The following SYT1 variants were observed in gnomAD, a reference collection of about 807,000 sequenced individuals.
SYT1 encodes synaptotagmin-1.
A neutral mutation model predicts 44.8 loss-of-function variants in SYT1; 8 were observed. The ratio of observed to expected loss-of-function variants is 0.18; its 90% CI spans 0.10 to 0.32. The LOEUF (loss-of-function observed/expected upper bound fraction) is 0.32, where lower values mean the gene tolerates loss of function less well. Ranked by LOEUF, SYT1 falls within the 10% of genes least tolerant of loss-of-function variation. The probability of loss-of-function intolerance (pLI) is 1.00; values close to 1 mark genes in which losing one functional copy is unlikely to be tolerated. For synonymous variants in SYT1, 154 were observed against 188.8 expected (o/e 0.82, Z 1.51); for missense variants, 286 against 509.3 (o/e 0.56, Z 4.22).
chr12:78,883,516 G>A (rs922889973), intron 1 of SYT1, among the ~76,000 whole-genome samples: 9 of 151,518 alleles, frequency 5.9e-5, no homozygotes, highest in Admixed American at 4.6e-4. Flanking sequence ...CTCAGTCTTT[G>A]TTTCCCTAGA....
chr12:78,873,270 G>T lies in SYT1; in HGVS notation c.-217+8161G>T, dbSNP rs539708135. ...AATAAAGCAGGAAAAAGCATGTTTT[G>T]TAATTCTCTTACTATGTAAGAACTA... On this transcript the variant is annotated intron_variant, in intron 1 of 10. Transcript: ENST00000261205. 2.7e-4 allele frequency among the ~76,000 whole-genome samples: 41 copies of T among 151,700 alleles called. No homozygotes were observed. In the South Asian group the frequency reaches 3.1e-3, roughly 12 times the overall value.
intron 3 of SYT1, chr12:79,102,992 T>C (rs1002789364): frequency 1.3e-5 from 2 of 152,130 alleles, no homozygotes; most frequent in African/African-American, 4.8e-5. Context: ...ATAAGGTAAA[T>C]ATTATTATTG....
chr12:79,287,409 T>C (rs1017821500), intron 5 of SYT1, among the ~76,000 whole-genome samples: 1 of 152,182 alleles, frequency 6.6e-6, no homozygotes, highest in African/African-American at 2.4e-5. Flanking sequence ...TCTTACTTTA[T>C]TTCCACACTT....
chr12:79,068,708 G>T (rs1876048970), intron 3 of SYT1, among the ~76,000 whole-genome samples: 1 of 152,006 alleles, frequency 6.6e-6, no homozygotes. Flanking sequence ...ACAGAAAAGA[G>T]AAAAGAAACA....
intron 4 of SYT1, among the ~76,000 whole-genome samples, chr12:79,278,940 C>A (rs1287234782): frequency 6.6e-6 from 1 of 151,446 alleles, no homozygotes; most frequent in Non-Finnish European, 1.5e-5. Flanking sequence ...ATATAGCCCC[C>A]CCAAGCCTGA....
At chr12:79,061,147 T>A (rs1592712091) in intron 3 of SYT1, among the ~76,000 whole-genome samples, 1 of 152,060 alleles carries the variant, frequency 6.6e-6, no homozygotes, top group South Asian at 2.1e-4. Flanking sequence ...CTACTACCAT[T>A]TAACTTCTAA....
At chr12:79,212,661 T>C (rs922604868) in intron 3 of SYT1, among the ~76,000 whole-genome samples, 1 of 152,226 alleles carries the variant, frequency 6.6e-6, no homozygotes, top group Non-Finnish European at 1.5e-5. Flanking sequence ...TAAATGACTG[T>C]GTCTCTAAAA....
In SYT1 at chr12:79,231,297, G is replaced by A. The variant is rs181669073; in HGVS notation, c.166+13612G>A. Among the ~76,000 whole-genome samples, 633 of 152,184 alleles carry A rather than the reference G, an allele frequency of 4.2e-3. 3 individuals are homozygous for A. Among genetic ancestry groups the A allele is most frequent in the South Asian group, 0.012 (58 of 4,820 alleles). On this transcript the variant is annotated intron_variant, in intron 4 of 10. Transcript: ENST00000261205. ...TACTTGATATCTTCTGAGTCCACGT[G>A]TCTCCCCAGCCTGTCTTTTGAGTGA...
At chr12:79,191,017 A>C (rs1285920142) in intron 3 of SYT1, among the ~76,000 whole-genome samples, 3 of 152,028 alleles carry the variant, frequency 2.0e-5, no homozygotes, top group African/African-American at 7.2e-5. Flanking sequence ...TGAGTCTTGG[A>C]GCAGAGAGGA....
chr12:79,299,321 A>G (rs1044794180), intron 7 of SYT1, 63 bp from the exon 8 acceptor site: 60 of 1,536,820 alleles, frequency 3.9e-5, no homozygotes, highest in Middle Eastern at 1.8e-4. Context: ...AGCACCATGA[A>G]CAAGTAACAT....
chr12:79,147,807 A>T (rs1205357540), intron 3 of SYT1, among the ~76,000 whole-genome samples: 2 of 152,204 alleles, frequency 1.3e-5, no homozygotes, highest in Non-Finnish European at 2.9e-5. Flanking sequence ...ATGTTTTAGT[A>T]TTTGTAAGTC....
At chr12:79,370,997 T>G (rs1215323075) in intron 9 of SYT1, among the ~76,000 whole-genome samples, 1 of 151,804 alleles carries the variant, frequency 6.6e-6, no homozygotes, top group Non-Finnish European at 1.5e-5. Flanking sequence ...TATTTTATTT[T>G]TTCCTTAAGA....
chr12:79,215,258 G>A (rs2138552786), intron 3 of SYT1, among the ~76,000 whole-genome samples: 1 of 152,194 alleles, frequency 6.6e-6, no homozygotes, highest in East Asian at 1.9e-4. Context: ...TTGATCCACT[G>A]GTAGTCTGTT....
Position 79,307,630 on chromosome 12 carries a change from G to A in SYT1, c.810+8079G>A, listed in dbSNP as rs1410661153. ...TCGGAAGGGCTGGGGGTGGGGGTGG[G>A]GGGGCGTGGGGGGGGGCGGCAGGAG... On this transcript the variant is annotated intron_variant, in intron 8 of 10. Transcript: ENST00000261205. Among the ~76,000 whole-genome samples the A allele has an allele frequency of 5.3e-5, 8 of 150,746 alleles. No homozygotes were observed. The East Asian group carries it at 1.4e-3, about 26-fold the overall frequency.
At chr12:79,176,485 A>T (rs548721495) in intron 3 of SYT1, among the ~76,000 whole-genome samples, 27 of 152,112 alleles carry the variant, frequency 1.8e-4, no homozygotes, top group Admixed American at 1.6e-3. Context: ...ATCTTCACTC[A>T]TGTAGCTAAA....
chr12:79,334,005 T>C (rs1881976602), intron 8 of SYT1, among the ~76,000 whole-genome samples: 1 of 152,056 alleles, frequency 6.6e-6, no homozygotes, highest in South Asian at 2.1e-4. Flanking sequence ...GAAACATTGA[T>C]ACCCAAAATC....
At chr12:78,956,474 C>G (rs951172954) in intron 1 of SYT1, among the ~76,000 whole-genome samples, 1 of 151,844 alleles carries the variant, frequency 6.6e-6, no homozygotes, top group Non-Finnish European at 1.5e-5. Flanking sequence ...ATCTCTCTCC[C>G]TACCCCTGCT....
At chr12:79,216,551 G>T (rs568372787) in intron 3 of SYT1, among the ~76,000 whole-genome samples, 37 of 152,158 alleles carry the variant, frequency 2.4e-4, no homozygotes, top group Non-Finnish European at 4.6e-4. Context: ...GCAGGTTTTA[G>T]TTCTTCATAT....
At chr12:79,304,590 C>T (rs535205835) in intron 8 of SYT1, among the ~76,000 whole-genome samples, 51 of 152,134 alleles carry the variant, frequency 3.4e-4, no homozygotes, top group Middle Eastern at 3.4e-3. Context: ...ATCCTGTTTC[C>T]ATAATGCACA....
Sources: gnomAD v4.1 joint callset for allele counts (sites outside exome capture counted in the v4.1 genomes callset) on GRCh38, gnomAD v4.1.1 for gene constraint, MANE v1.5 for transcripts, NCBI Gene and HGNC (gene_info 2026-07-23, HGNC 2026-07-21) for gene names.